The following DOCK7 variants were observed in gnomAD, a reference collection of about 807,000 sequenced individuals.
The protein encoded by DOCK7 is dedicator of cytokinesis protein 7.
In DOCK7, 138 loss-of-function variants were observed where a neutral mutation model predicts 271.0. The ratio of observed to expected loss-of-function variants is 0.51; its 90% confidence interval spans 0.44 to 0.59. DOCK7 has a LOEUF of 0.59. DOCK7 is among the 20% of genes least tolerant of loss of function. DOCK7 has a pLI of 0.00. For missense variants in DOCK7, 2,066 were observed against 2,592.4 expected, an observed-to-expected ratio of 0.80 and a Z score of 4.41; for synonymous variants, 823 against 876.1, an observed-to-expected ratio of 0.94 and a Z score of 1.07.
At chr1:62,538,599 T>A (rs1009204950) in intron 27 of DOCK7, among the ~76,000 whole-genome samples, 1 of 152,134 alleles carries the variant, frequency 6.6e-6, no homozygotes, top group Non-Finnish European at 1.5e-5. Context: ...GTACATAAAG[T>A]TTTGGGGGAA....
chr1:62,651,829 T>C (rs1571907127), intron 4 of DOCK7, among the ~76,000 whole-genome samples: 1 of 152,196 alleles, frequency 6.6e-6, no homozygotes, highest in South Asian at 2.1e-4. Flanking sequence ...GTGTATTGGT[T>C]TGCATCAAAT....
chr1:62,578,575 A>G (rs1386333355), intron 17 of DOCK7, among the ~76,000 whole-genome samples: 5 of 152,038 alleles, frequency 3.3e-5, no homozygotes, highest in Non-Finnish European at 7.4e-5. Flanking sequence ...CAAAAAAATT[A>G]GTTGGACATG....
chr1:62,475,852 C>T lies in DOCK7; in HGVS notation c.5816G>A (p.Arg1939His), dbSNP rs749259157. The T allele has an allele frequency of 2.8e-5, 45 of 1,613,888 alleles. No homozygotes were observed. Among genetic ancestry groups the T allele is most frequent in the African/African-American group, 4.0e-5 (3 of 74,894 alleles). ...AAAGGGTGTACAGTACATGAATCGA[C>T]GAAGATTGTAATTTTTGTCGAAATA... ...ITYFDKNYNL[R>H]RFMYCTPFTL... is the part of the protein sequence containing the mutation. The change falls in exon 46 of 50, where the codon CGT (arginine) becomes CAT (histidine). Residue 1939 changes from arginine to histidine, a missense_variant. Physicochemically the swap from Arg to His is conservative, Grantham distance 29 (BLOSUM62 0). Coordinates refer to ENST00000635253, the MANE Select transcript of DOCK7 (RefSeq NM_001367561.1).
chr1:62,540,683 A>G (rs570517711), intron 25 of DOCK7, among the ~76,000 whole-genome samples: 4 of 152,312 alleles, frequency 2.6e-5, no homozygotes, highest in African/African-American at 4.8e-5. Flanking sequence ...ATTCTTTATT[A>G]TAACACTGTG....
At chr1:62,634,957 G>A (rs758982041) in intron 8 of DOCK7, 35 bp from the exon 9 acceptor site, 1 of 1,464,680 alleles carries the variant, frequency 6.8e-7, no homozygotes, top group South Asian at 1.2e-5. Flanking sequence ...TTTAAAATAT[G>A]TACATTTTAC....
chr1:62,679,220 C>A (rs1660850227), intron 1 of DOCK7, among the ~76,000 whole-genome samples: 1 of 151,978 alleles, frequency 6.6e-6, no homozygotes, highest in African/African-American at 2.4e-5. Context: ...CTTAATATCT[C>A]AGGGTAATAA....
At chr1:62,602,304 T>C (rs769207077) in intron 14 of DOCK7, 1 of 1,610,504 alleles carries the variant, frequency 6.2e-7, no homozygotes, top group Non-Finnish European at 8.5e-7. Context: ...GGACATTAAT[T>C]CAACATCGAA....
intron 24 of DOCK7, among the ~76,000 whole-genome samples, chr1:62,543,069 C>T (rs1432438202): frequency 2.0e-5 from 3 of 152,034 alleles, no homozygotes; most frequent in African/African-American, 7.2e-5. Flanking sequence ...CATGCATGAA[C>T]TTTGCTGGTA....
intron 14 of DOCK7, among the ~76,000 whole-genome samples, chr1:62,614,951 T>G (rs1402968823): frequency 6.6e-6 from 1 of 151,898 alleles, no homozygotes; most frequent in Non-Finnish European, 1.5e-5. Context: ...TCGTCACATG[T>G]CATTTAGCTT....
rs368010913 is a variant in DOCK7 at position 62,494,446 on chromosome 1, G to A, written c.5046C>T (p.Thr1682=). Residue 1682 remains threonine, a synonymous_variant, in exon 40 of 50, where the codon ACC becomes ACT. Transcript: ENST00000635253. ...LMYRIAKGYQ[T]SPDLRLTWLQ... Reference sequence around the variant, plus strand: ...ACCAGGTCAATCGCAGATCTGGAGAGGTCTGGTAACCCTTGGCAATTCTAA... The same window carrying A: ...ACCAGGTCAATCGCAGATCTGGAGAAGTCTGGTAACCCTTGGCAATTCTAA... 1.2e-6 allele frequency: 2 copies of A among 1,607,992 alleles called. No individual in the cohort carries two copies. Among genetic ancestry groups the A allele is most frequent in the Admixed American group, 3.3e-5 (2 of 59,816 alleles).
At chr1:62,504,497 A>C (rs1646882989) in intron 37 of DOCK7, 133 bp downstream of exon 37, 1 of 958,854 alleles carries the variant, frequency 1.0e-6, no homozygotes, top group Non-Finnish European at 1.5e-6. Context: ...AGAATGAGAA[A>C]TATCAAGATA....
At chr1:62,506,340 T>C (rs1056586331) in intron 35 of DOCK7, among the ~76,000 whole-genome samples, 1 of 152,238 alleles carries the variant, frequency 6.6e-6, no homozygotes, top group African/African-American at 2.4e-5. Context: ...CTGTCCCTGC[T>C]GTTTCTTTTC....
At chr1:62,464,502 C>G (rs181265577) in intron 48 of DOCK7, among the ~76,000 whole-genome samples, 4,868 of 151,408 alleles carry the variant, frequency 0.032, 114 homozygotes, top group Non-Finnish European at 0.048. Flanking sequence ...GCCAACATGG[C>G]GAAACCCCGT....
intron 22 of DOCK7, among the ~76,000 whole-genome samples, chr1:62,547,398 G>A (rs1418748411): frequency 2.6e-5 from 4 of 152,080 alleles, no homozygotes; most frequent in Non-Finnish European, 4.4e-5. Context: ...GTGTGCCCAC[G>A]TGTATGTAAG....
At chr1:62,681,279 A>C (rs1156816643) in intron 1 of DOCK7, among the ~76,000 whole-genome samples, 1 of 151,258 alleles carries the variant, frequency 6.6e-6, no homozygotes, top group Non-Finnish European at 1.5e-5. Context: ...GCAAACTATC[A>C]CAAGGACAGA....
intron 37 of DOCK7, among the ~76,000 whole-genome samples, chr1:62,500,059 AG>A (rs1180304543): frequency 6.6e-6 from 1 of 152,194 alleles, no homozygotes; most frequent in African/African-American, 2.4e-5. Flanking sequence ...ACATTTCTGA[AG>A]GAACTCCCTA....
chr1:62,679,353 G>A (rs902736432), intron 1 of DOCK7, among the ~76,000 whole-genome samples: 2 of 151,956 alleles, frequency 1.3e-5, no homozygotes, highest in Admixed American at 6.6e-5. Context: ...CAAGCCACAG[G>A]GTGGGAAAAG....
chr1:62,661,480 T>G (rs1658654743), intron 2 of DOCK7, among the ~76,000 whole-genome samples: 1 of 151,948 alleles, frequency 6.6e-6, no homozygotes, highest in African/African-American at 2.4e-5. Flanking sequence ...AAATATAGCA[T>G]GTAAGTATAT....
intron 10 of DOCK7, among the ~76,000 whole-genome samples, chr1:62,632,909 G>A (rs544953994): frequency 4.6e-5 from 7 of 152,106 alleles, no homozygotes; most frequent in South Asian, 2.1e-4. Flanking sequence ...CCCAGGAAGC[G>A]GAGGTTGCAG....
Sources: gnomAD v4.1 joint callset for allele counts (sites outside exome capture counted in the v4.1 genomes callset) on GRCh38, gnomAD v4.1.1 for gene constraint, MANE v1.5 for transcripts, NCBI Gene and HGNC (gene_info 2026-07-23, HGNC 2026-07-21) for gene names.